Variants in FAM120B observed in about 807,000 individuals in gnomAD.
FAM120B encodes the protein family with sequence similarity 120 member B, also known as constitutive coactivator of peroxisome proliferator-activated receptor gamma.
In FAM120B, 83 loss-of-function variants were observed where a neutral mutation model predicts 96.3. That is an observed-to-expected ratio of 0.86 (90% CI 0.72 to 1.03). The LOEUF (loss-of-function observed/expected upper bound fraction) is 1.03, where lower values mean the gene tolerates loss of function less well. Among genes scored for constraint, FAM120B ranks in the 50% least tolerant of loss-of-function variants. The probability of loss-of-function intolerance (pLI) is 0.00; values close to 1 mark genes in which losing one functional copy is unlikely to be tolerated. For missense variants in FAM120B, 1,027 were observed against 1,121.2 expected (o/e 0.92, Z 1.20); for synonymous variants, 407 against 402.7 (o/e 1.01, Z -0.13).
intron 6 of FAM120B, among the ~76,000 whole-genome samples, chr6:170,386,874 A>T (rs1457552790): frequency 6.6e-6 from 1 of 152,260 alleles, no homozygotes; most frequent in Admixed American, 6.5e-5. Flanking sequence ...ATCCAGCAAT[A>T]TGTAAAACCA....
upstream of FAM120B, chr6:170,290,797 T>G: frequency 1.7e-6 from 1 of 574,656 alleles, no homozygotes; most frequent in Non-Finnish European, 3.1e-6. This position sits in a 1 kb window ranked among gnomAD's most constrained non-coding sequence, Gnocchi z 4.7. Flanking sequence ...ATCCAGCCAA[T>G]GCCATCCAGT....
upstream of FAM120B, chr6:170,290,939 G>C (rs1783852080): frequency 1.1e-5 from 8 of 698,744 alleles, no homozygotes; most frequent in South Asian, 5.9e-5. The surrounding 1 kb of genome is among the most constrained non-coding windows in gnomAD (Gnocchi z 4.7). Context: ...GGCTCTCGCC[G>C]GCGCCTGCCG....
intron 1 of FAM120B, among the ~76,000 whole-genome samples, chr6:170,309,135 T>G (rs576559663): frequency 1.3e-5 from 2 of 152,336 alleles, no homozygotes; most frequent in Admixed American, 1.3e-4. Context: ...AGGAATTTAT[T>G]GTGACTTTTG....
intron 1 of FAM120B, among the ~76,000 whole-genome samples, chr6:170,310,414 G>A (rs537615061): frequency 6.6e-6 from 1 of 152,348 alleles, no homozygotes; most frequent in East Asian, 1.9e-4. Flanking sequence ...CTGTGGTGAG[G>A]CCCTTGCCCC....
chr6:170,322,253 A>G (rs1380397346), intron 2 of FAM120B, among the ~76,000 whole-genome samples: 1 of 152,246 alleles, frequency 6.6e-6, no homozygotes, highest in African/African-American at 2.4e-5. Context: ...GTGAATGAAT[A>G]TAGTACGGCT....
At chr6:170,375,073 TGA>T (rs1188302169) in intron 6 of FAM120B, among the ~76,000 whole-genome samples, 1 of 152,198 alleles carries the variant, frequency 6.6e-6, no homozygotes, top group Admixed American at 6.5e-5. Context: ...GGCCAGGTGG[TGA>T]GAGAGCTGGG....
intron 6 of FAM120B, among the ~76,000 whole-genome samples, chr6:170,379,334 A>G (rs1363218507): frequency 6.6e-6 from 1 of 152,200 alleles, no homozygotes; most frequent in Non-Finnish European, 1.5e-5. Flanking sequence ...GTCCTCATAT[A>G]TTGTTTACTC....
intron 9 of FAM120B, among the ~76,000 whole-genome samples, chr6:170,400,615 C>G (rs141582148): frequency 6.6e-6 from 1 of 152,208 alleles, no homozygotes; most frequent in Non-Finnish European, 1.5e-5. Context: ...GGCACCTCCA[C>G]AGCACCAGCA....
Position 170,295,552 on chromosome 6 carries a change from G to A in FAM120B, c.48+99G>A, listed in dbSNP as rs1783978951. 4 of 588,312 alleles carry A rather than the reference G, an allele frequency of 6.8e-6. No homozygotes were observed. Among genetic ancestry groups the A allele is most frequent in the South Asian group, 4.1e-5 (2 of 49,258 alleles). 36.4% of individuals were successfully genotyped at this position (588,312 alleles called of 1,614,324 possible). A position where few individuals can be genotyped will look rare whatever the true frequency, so the allele number is the denominator to read the frequency against. On this transcript the variant is annotated intron_variant, in intron 1 of 10. Coordinates refer to the FAM120B transcript ENST00000537664. This position sits in a 1 kb window ranked among gnomAD's most constrained non-coding sequence, Gnocchi z 7.8. ...ACCCCCGGCGCGGGCAGCTCTGCGC[G>A]AAGGTGGGCGACGGTGGGGGCACAA...
At chr6:170,401,725 C>T (rs1778593179) in intron 9 of FAM120B, among the ~76,000 whole-genome samples, 1 of 152,238 alleles carries the variant, frequency 6.6e-6, no homozygotes, top group African/African-American at 2.4e-5. Flanking sequence ...ACCAACAGGA[C>T]ACTCAAAGGA....
chr6:170,368,613 T>C lies in FAM120B; in HGVS notation c.2283+10295T>C, dbSNP rs191696732. Among the ~76,000 whole-genome samples the C allele has an allele frequency of 7.9e-5, 12 of 152,334 alleles. No homozygotes were observed. In the East Asian group the frequency reaches 2.3e-3, roughly 29 times the overall value. On this transcript the variant is annotated intron_variant, in intron 6 of 10. Transcript: ENST00000476287. ...ACACAAGTTCACAGAAGAAATACAA[T>C]TTTTAAAGAAGGAAAAATGCTTTCA... is the stretch of plus-strand genomic sequence containing the variant.
chr6:170,334,745 A>T (rs1188364862), intron 4 of FAM120B, among the ~76,000 whole-genome samples: 2 of 152,234 alleles, frequency 1.3e-5, no homozygotes, highest in Non-Finnish European at 2.9e-5. Flanking sequence ...AGCTTTGTCA[A>T]ATGTGTTAAC....
chr6:170,301,865 A>G (rs1418284754), upstream of FAM120B, among the ~76,000 whole-genome samples: 1 of 152,200 alleles, frequency 6.6e-6, no homozygotes, highest in East Asian at 1.9e-4. Context: ...CAAGTCTCTA[A>G]GAAGCTCTAA....
chr6:170,296,467 C>A (rs1784011705), intron 1 of FAM120B, among the ~76,000 whole-genome samples: 1 of 151,956 alleles, frequency 6.6e-6, no homozygotes, highest in Admixed American at 6.5e-5. Context: ...GCGCCAGGGC[C>A]CTCCCGGTGG....
chr6:170,375,383 G>A (rs765450409), intron 6 of FAM120B, among the ~76,000 whole-genome samples: 12 of 152,176 alleles, frequency 7.9e-5, no homozygotes, highest in African/African-American at 2.4e-4. Flanking sequence ...AACAACAAGC[G>A]TCTCAGGTCA....
At chr6:170,324,439 A>AT (rs1405286282) in intron 3 of FAM120B, among the ~76,000 whole-genome samples, 1 of 152,214 alleles carries the variant, frequency 6.6e-6, no homozygotes, top group Non-Finnish European at 1.5e-5. Flanking sequence ...TATTTAAATC[A>AT]TTTTTTAAAA....
intron 3 of FAM120B, among the ~76,000 whole-genome samples, chr6:170,325,446 A>G (rs909217467): frequency 1.4e-5 from 2 of 138,142 alleles, no homozygotes; most frequent in Non-Finnish European, 3.1e-5. Flanking sequence ...TCCCCACCTT[A>G]TTTTCTCATT....
In FAM120B at chr6:170,407,025, C is replaced by T. The variant is rs185890476; in HGVS notation, c.*2274C>T. 37 of 152,282 alleles carry T rather than the reference C, an allele frequency of 2.4e-4. No individual in the cohort carries two copies. Among genetic ancestry groups the T allele is most frequent in the Admixed American group, 2.0e-3 (31 of 15,298 alleles). The allele number at this position is 152,282 out of a possible 1,614,324, so 9.4% of individuals were successfully genotyped here. On this transcript the variant is annotated 3_prime_UTR_variant, in exon 11 of 11. Transcript: ENST00000476287. Reference sequence around the variant, plus strand: ...GTCTTCTGATGAAATTTCCATATATCAAATTGAAAATAAAGCAAAATATAT... The same window carrying T: ...GTCTTCTGATGAAATTTCCATATATTAAATTGAAAATAAAGCAAAATATAT...
chr6:170,359,264 G>T (rs889031845), intron 6 of FAM120B, among the ~76,000 whole-genome samples: 1 of 152,034 alleles, frequency 6.6e-6, no homozygotes, highest in African/African-American at 2.4e-5. Flanking sequence ...AGCCAGGTGT[G>T]TGCCTGTAAT....
Sources: gnomAD v4.1 joint callset for allele counts (sites outside exome capture counted in the v4.1 genomes callset) on GRCh38, gnomAD v4.1.1 for gene constraint, Gnocchi (gnomAD v3.1) non-coding constraint, MANE v1.5 for transcripts, NCBI Gene and HGNC (gene_info 2026-07-23, HGNC 2026-07-21) for gene names.